The following SNX13 variants were observed in gnomAD, a reference collection of about 807,000 sequenced individuals.
SNX13 encodes sorting nexin 13.
Under a neutral mutation model 133.6 loss-of-function variants are expected in SNX13, and 45 were observed. The ratio of observed to expected loss-of-function variants is 0.34; its 90% CI spans 0.27 to 0.43. The LOEUF is 0.43. Ranked by LOEUF, SNX13 falls within the 20% of genes least tolerant of loss-of-function variation. The probability of loss-of-function intolerance (pLI) is 1.00; values close to 1 mark genes in which losing one functional copy is unlikely to be tolerated. For synonymous variants in SNX13, 414 were observed against 373.9 expected (o/e 1.11, Z -1.24); for missense variants, 1,032 against 1,145.1 (o/e 0.90, Z 1.43).
chr7:17,798,513 G>A (rs184014336), intron 24 of SNX13, among the ~76,000 whole-genome samples, 177 bp downstream of exon 24: 19 of 151,802 alleles, frequency 1.3e-4, no homozygotes, highest in Non-Finnish European at 2.4e-4. Context: ...AAGAAACAAA[G>A]ATCAATAGGT....
intron 20 of SNX13, among the ~76,000 whole-genome samples, chr7:17,809,648 C>A (rs1448805688): frequency 1.3e-5 from 2 of 152,180 alleles, no homozygotes; most frequent in Middle Eastern, 3.2e-3. Context: ...ACTCTCCACC[C>A]CAAGTCAACA....
intron 20 of SNX13, among the ~76,000 whole-genome samples, chr7:17,805,392 TAA>T: frequency 6.6e-6 from 1 of 152,230 alleles, no homozygotes; most frequent in East Asian, 1.9e-4. Context: ...TAATAACATA[TAA>T]ATAAGCTAAG....
intron 9 of SNX13, among the ~76,000 whole-genome samples, chr7:17,856,721 G>A (rs920182902): frequency 6.7e-6 from 1 of 148,686 alleles, no homozygotes; most frequent in African/African-American, 2.5e-5. Context: ...GAGCCTGGTT[G>A]AGGTTGCAAT....
intron 1 of SNX13, among the ~76,000 whole-genome samples, chr7:17,914,497 T>C (rs560420136): frequency 3.3e-5 from 5 of 152,166 alleles, no homozygotes; most frequent in South Asian, 4.2e-4. Context: ...ATATTACCTA[T>C]AAAGGCAAAC....
intron 5 of SNX13, among the ~76,000 whole-genome samples, chr7:17,885,368 T>C (rs1011804096): frequency 6.6e-6 from 1 of 150,538 alleles, no homozygotes; most frequent in Non-Finnish European, 1.5e-5. Context: ...TGACTGACAA[T>C]GGATATAAGG....
At chr7:17,861,340 TCTCACACACA>T (rs1562793625) in intron 9 of SNX13, among the ~76,000 whole-genome samples, 1 of 89,066 alleles carries the variant, frequency 1.1e-5, no homozygotes, top group African/African-American at 4.5e-5. Context: ...CATACAGTTA[TCTCACACACA>T]CACACACACA....
At chr7:17,903,273 C>G (rs1798032869) in intron 1 of SNX13, among the ~76,000 whole-genome samples, 1 of 152,138 alleles carries the variant, frequency 6.6e-6, no homozygotes, top group South Asian at 2.1e-4. Flanking sequence ...CTATAGTTCT[C>G]TCATTTCTAA....
chr7:17,809,545 A>G (rs192443114), intron 20 of SNX13, among the ~76,000 whole-genome samples: 201 of 152,332 alleles, frequency 1.3e-3, no homozygotes, highest in Non-Finnish European at 2.3e-3. Context: ...CCTACTGTCA[A>G]TATTAGACAG....
chr7:17,848,268 T>C (rs962203127), intron 11 of SNX13, among the ~76,000 whole-genome samples: 1 of 152,158 alleles, frequency 6.6e-6, no homozygotes, highest in African/African-American at 2.4e-5. Flanking sequence ...ATTCCCCTTT[T>C]CAGCTCCCCT....
intron 5 of SNX13, among the ~76,000 whole-genome samples, chr7:17,878,527 T>C (rs1250815829): frequency 2.0e-5 from 3 of 152,138 alleles, no homozygotes; most frequent in Non-Finnish European, 4.4e-5. Flanking sequence ...AAAGTGTGTC[T>C]CTCTGAACAT....
At chr7:17,826,375 T>G (rs1222230841) in intron 16 of SNX13, among the ~76,000 whole-genome samples, 1 of 152,020 alleles carries the variant, frequency 6.6e-6, no homozygotes, top group Non-Finnish European at 1.5e-5. Flanking sequence ...CTTGCTACTT[T>G]TCAATTATGA....
chr7:17,928,582 T>C (rs10085395), intron 1 of SNX13, among the ~76,000 whole-genome samples: 23,730 of 152,086 alleles, frequency 0.16, 1,959 homozygotes, highest in Middle Eastern at 0.26. Context: ...GCACATAATA[T>C]CTAAATAATC....
intron 23 of SNX13, 107 bp downstream of exon 23, chr7:17,798,902 G>C: frequency 7.5e-7 from 1 of 1,340,826 alleles, no homozygotes. Context: ...TCCTTAAAAG[G>C]CCCAGAGAAA....
At chr7:17,874,635 C>T (rs1794496710) in intron 7 of SNX13, among the ~76,000 whole-genome samples, 1 of 152,014 alleles carries the variant, frequency 6.6e-6, no homozygotes, top group Non-Finnish European at 1.5e-5. Flanking sequence ...TCTAAGAAAA[C>T]AATTTCAACA....
intron 20 of SNX13, 33 bp downstream of exon 20, chr7:17,814,801 A>G: frequency 6.9e-7 from 1 of 1,442,042 alleles, no homozygotes; most frequent in Non-Finnish European, 9.2e-7. Context: ...ACAGACCTAG[A>G]AAGAAACCCA....
At position 17,814,950 on chromosome 7, in the gene SNX13, A is replaced by AAT. The variant is rs781347432; in HGVS notation, c.1954-7_1954-6insAT. ...ATTTCAGGAGCTAACAGTAACTAAC[A>AAT]AGAAAAAAAAAAAAAAGAAGAGATT... On this transcript the variant is annotated splice_polypyrimidine_tract_variant and splice_region_variant and intron_variant, in intron 19 of 25. Coordinates refer to ENST00000428135, the MANE Select transcript of SNX13 (RefSeq NM_015132.5). 10 of 1,371,640 alleles carry AAT rather than the reference A, an allele frequency of 7.3e-6. No homozygotes were observed. Among genetic ancestry groups the AAT allele is most frequent in the East Asian group, 6.4e-5 (2 of 31,488 alleles). The allele number at this position is 1,371,640 out of a possible 1,614,324, so 85.0% of individuals were successfully genotyped here.
At chr7:17,853,924 G>C (rs1188495269) in intron 9 of SNX13, among the ~76,000 whole-genome samples, 2 of 151,364 alleles carry the variant, frequency 1.3e-5, no homozygotes, top group Middle Eastern at 3.4e-3. Context: ...CTGCGCGACA[G>C]AGCGAGAATC....
At chr7:17,900,320 G>C (rs1159054374) in intron 1 of SNX13, 1 of 152,382 alleles carries the variant, frequency 6.6e-6, no homozygotes, top group Non-Finnish European at 1.5e-5. Flanking sequence ...CCTGGCCACT[G>C]CCTATGTTCA....
chr7:17,846,540 A>G (rs1269928024), intron 11 of SNX13, among the ~76,000 whole-genome samples: 2 of 152,140 alleles, frequency 1.3e-5, no homozygotes, highest in Admixed American at 6.6e-5. Flanking sequence ...TCCCAAATTC[A>G]TATTTCAGAA....
Sources: allele counts gnomAD v4.1 joint callset (sites outside exome capture counted in the v4.1 genomes callset), GRCh38; gene constraint gnomAD v4.1.1; transcripts MANE v1.5; gene names NCBI Gene and HGNC (gene_info 2026-07-23, HGNC 2026-07-21).